The following CACTIN variants were observed in gnomAD, a reference collection of about 807,000 sequenced individuals.
The protein encoded by CACTIN is cactin, spliceosome C complex subunit, also known as splicing factor Cactin.
A neutral mutation model predicts 84.9 loss-of-function variants in CACTIN; 20 were observed. The observed-to-expected ratio is 0.24, with a 90% confidence interval of 0.17 to 0.34. The LOEUF is 0.34. Ranked by LOEUF, CACTIN falls within the 10% of genes least tolerant of loss-of-function variation. The pLI, the probability that CACTIN is intolerant of heterozygous loss-of-function variation, is 1.00. For missense variants in CACTIN, 897 were observed against 1,117.2 expected (o/e 0.80, Z 2.81); for synonymous variants, 549 against 467.9 (o/e 1.17, Z -2.24).
chr19:3,624,219 G>A lies in CACTIN; in HGVS notation c.168-57C>T, dbSNP rs1418206755. 4.2e-6 allele frequency: 6 copies of A among 1,438,736 alleles called. No homozygotes were observed. The Admixed American group carries it at 1.3e-4, about 31-fold the overall frequency. 89.1% of individuals were successfully genotyped at this position (1,438,736 alleles called of 1,614,324 possible). A position where few individuals can be genotyped will look rare whatever the true frequency, so the allele number is the denominator to read the frequency against. On this transcript the variant is annotated intron_variant, in intron 1 of 9. Transcript: ENST00000429344. Reference sequence around the variant, plus strand: ...GCCTGCAGCTGTCATCTGCTCCACAGATGCTTACTGGGTGCCCGTGGGGGA... The same window carrying A: ...GCCTGCAGCTGTCATCTGCTCCACAAATGCTTACTGGGTGCCCGTGGGGGA...
intron 6 of CACTIN, among the ~76,000 whole-genome samples, chr19:3,618,163 G>A (rs1017674485): frequency 7.9e-6 from 1 of 127,268 alleles, no homozygotes; most frequent in Non-Finnish European, 1.7e-5. Flanking sequence ...GGCTGCTGTG[G>A]TTGGCTTTTA....
chr19:3,619,680 G>C (rs760273020), intron 4 of CACTIN, among the ~76,000 whole-genome samples: 4 of 152,284 alleles, frequency 2.6e-5, no homozygotes, highest in Admixed American at 6.5e-5. Context: ...TGGGCCTGCA[G>C]GGGGGTACGC....
At chr19:3,614,105 G>A (rs1224607455) in intron 7 of CACTIN, among the ~76,000 whole-genome samples, 1 of 152,178 alleles carries the variant, frequency 6.6e-6, no homozygotes, top group Non-Finnish European at 1.5e-5. Context: ...AGCGCGCCAG[G>A]TACTCGTTAA....
Position 3,626,724 on chromosome 19 carries a change from A to C in CACTIN, c.39T>G (p.Gly13=). The part of the protein sequence containing the change: ...RDTRSRSRSA[G]RRGRRRQSQS... ...GACTCTGCCGCCTTCGGCCCCGGCG[A>C]CCCGCGGACCGCGAGCGCGAGCGTG... The change falls in exon 1 of 10, where the codon GGT becomes GGG. Residue 13 remains glycine (G), a synonymous_variant. Transcript: ENST00000429344. 2 of 1,491,626 alleles carry C rather than the reference A, an allele frequency of 1.3e-6. No homozygotes were observed. The highest frequency in any genetic ancestry group is 1.3e-5 in the South Asian group (1 of 78,946). 92.4% of individuals were successfully genotyped at this position (1,491,626 alleles called of 1,614,324 possible).
intron 1 of CACTIN, 125 bp downstream of exon 1, chr19:3,626,471 C>T (rs2033335690): frequency 1.9e-6 from 2 of 1,067,716 alleles, no homozygotes; most frequent in South Asian, 4.8e-5. Context: ...TCAATTGTCC[C>T]CTTCTCTAGG....
At chr19:3,612,653 C>A in intron 9 of CACTIN, 1 of 716,192 alleles carries the variant, frequency 1.4e-6, no homozygotes, top group Non-Finnish European at 2.5e-6. Flanking sequence ...CCAAGCGCAG[C>A]GCGCTTCCCC....
At position 3,612,271 on chromosome 19, in the gene CACTIN, C is replaced by A; in HGVS notation, c.1929G>T (p.Pro643=). The A allele has an allele frequency of 6.2e-7, 1 of 1,613,128 alleles. No homozygotes were observed. ...LWADKYRPRK[P]RFFNRVHTGF... is the part of the protein sequence containing the mutation. ...CCGTGTGCACGCGGTTGAAGAAGCG[C>A]GGCTTGCGTGGCCGGTACTTGTCGG... The change falls in exon 10 of 10, where the codon CCG becomes CCT. Residue 643 remains proline, a synonymous_variant. Transcript: ENST00000429344.
rs532751633 is a variant in CACTIN at position 3,626,727 on chromosome 19, C to A, written c.36G>T (p.Ala12=). The A allele has an allele frequency of 2.0e-6, 3 of 1,493,332 alleles. No homozygotes were observed. Among genetic ancestry groups the A allele is most frequent in the South Asian group, 1.3e-5 (1 of 79,078 alleles). The allele number at this position is 1,493,332 out of a possible 1,614,324, so 92.5% of individuals were successfully genotyped here. A position where few individuals can be genotyped will look rare whatever the true frequency, so the allele number is the denominator to read the frequency against. Residue 12 remains alanine, a synonymous_variant, in exon 1 of 10, where the codon GCG becomes GCT. Transcript: ENST00000429344. ...TCTGCCGCCTTCGGCCCCGGCGACC[C>A]GCGGACCGCGAGCGCGAGCGTGTGT... The part of the protein sequence containing the change: ...GRDTRSRSRS[A]GRRGRRRQSQ...
intron 4 of CACTIN, 64 bp downstream of exon 4, chr19:3,620,063 T>C (rs2033190185): frequency 1.0e-5 from 16 of 1,580,780 alleles, no homozygotes; most frequent in Non-Finnish European, 1.3e-5. Flanking sequence ...GCTTCCAGAG[T>C]GACAGCCAGT....
At chr19:3,623,192 G>A (rs1226505698) in intron 2 of CACTIN, among the ~76,000 whole-genome samples, 12 of 151,960 alleles carry the variant, frequency 7.9e-5, no homozygotes, top group African/African-American at 2.9e-4. Context: ...CCACGATCAC[G>A]CCACTGCACT....
In CACTIN at chr19:3,623,984, A is replaced by T; in HGVS notation, c.346T>A (p.Ser116Thr). 6.2e-7 allele frequency: 1 copy of T among 1,604,950 alleles called. No homozygotes were observed. Residue 116 changes from serine (S) to threonine (T), a missense_variant, in exon 2 of 10, where the codon TCC (serine) becomes ACC (threonine). Ser to Thr is a moderately conservative substitution (Grantham distance 58, BLOSUM62 1). Transcript: ENST00000429344. ...ARSWSPSSSA[S>T]SSASPGRSQS... ...GATCGCCCTGGAGACGCGGAGCTGG[A>T]TGCTGAGGAGCTAGGAGACCACGAG...
chr19:3,613,266 G>GTCGCCCTCGCCC lies in CACTIN; in HGVS notation c.1577_1578insGGGCGAGGGCGA (p.Gly525_Asp526insGluGlyGluGly), dbSNP rs762891565. 6.2e-7 allele frequency: 1 copy of GTCGCCCTCGCCC among 1,607,746 alleles called. No homozygotes were observed. Among genetic ancestry groups the GTCGCCCTCGCCC allele is most frequent in the Admixed American group, 1.7e-5 (1 of 59,868 alleles). On this transcript the variant is annotated inframe_insertion, in exon 9 of 10. Coordinates refer to ENST00000429344, the MANE Select transcript of CACTIN (RefSeq NM_001080543.2). ...CCTCGCCCTCACCGTCCCCGTCGCCGTCGCCCTCTGTCGGGGTCGCGCCGT... is the reference window on the plus strand; with the variant it reads ...CCTCGCCCTCACCGTCCCCGTCGCCGTCGCCCTCGCCCTCGCCCTCTGTCGGGGTCGCGCCGT...
chr19:3,622,499 C>A (rs1319181689), intron 2 of CACTIN, among the ~76,000 whole-genome samples: 1 of 152,108 alleles, frequency 6.6e-6, no homozygotes, highest in Non-Finnish European at 1.5e-5. Context: ...ACACACAGAG[C>A]AGAAGGCCGT....
chr19:3,619,682 G>C (rs1420234140), intron 4 of CACTIN, among the ~76,000 whole-genome samples: 1 of 152,184 alleles, frequency 6.6e-6, no homozygotes, highest in East Asian at 1.9e-4. Context: ...GGCCTGCAGG[G>C]GGGTACGCGT....
rs1226121685 is a variant in CACTIN, at chr19:3,611,173, G to A, written c.*750C>T. 1 of 399,168 alleles carries A rather than the reference G, an allele frequency of 2.5e-6. No individual in the cohort carries two copies. Among genetic ancestry groups the A allele is most frequent in the Non-Finnish European group, 5.1e-6 (1 of 198,000 alleles). The allele number at this position is 399,168 out of a possible 1,614,324, so 24.7% of individuals were successfully genotyped here. On this transcript the variant is annotated 3_prime_UTR_variant, in exon 10 of 10. Coordinates refer to ENST00000429344, the MANE Select transcript of CACTIN (RefSeq NM_001080543.2). ...AGAGGTGGGGGGAGGACGGCTCAGTGACTTTTGGTTCCCACGACCTTGACA... is the reference window on the plus strand; with the variant it reads ...AGAGGTGGGGGGAGGACGGCTCAGTAACTTTTGGTTCCCACGACCTTGACA...
intron 1 of CACTIN, 144 bp downstream of exon 1, chr19:3,626,452 A>C: frequency 7.4e-5 from 73 of 985,028 alleles, no homozygotes; most frequent in Non-Finnish European, 9.3e-5. Context: ...GGTTAATTCC[A>C]ACCGGTGGTC....
intron 8 of CACTIN, 48 bp downstream of exon 8, chr19:3,613,416 C>G (rs1216458837): frequency 6.5e-7 from 1 of 1,544,682 alleles, no homozygotes; most frequent in African/African-American, 1.4e-5. Context: ...GCCCCTCCAT[C>G]CTGCTCCGCG....
intron 3 of CACTIN, 146 bp from the exon 4 acceptor site, chr19:3,620,418 C>A: frequency 2.0e-6 from 2 of 976,026 alleles, no homozygotes; most frequent in Non-Finnish European, 3.1e-6. Flanking sequence ...GGTGGACAGA[C>A]CTTGGGAAGG....
intron 6 of CACTIN, 120 bp from the exon 7 acceptor site, chr19:3,614,709 G>T (rs916911223): frequency 6.3e-5 from 47 of 743,324 alleles, no homozygotes; most frequent in Non-Finnish European, 1.0e-4. Flanking sequence ...CCCCACAGGG[G>T]TCCCATCCAG....
Sources: gnomAD v4.1 joint callset for allele counts (sites outside exome capture counted in the v4.1 genomes callset) on GRCh38, gnomAD v4.1.1 for gene constraint, MANE v1.5 for transcripts, NCBI Gene and HGNC (gene_info 2026-07-23, HGNC 2026-07-21) for gene names.